The following IGSF21 variants were observed in gnomAD, a reference collection of about 807,000 sequenced individuals.
The protein encoded by IGSF21 is immunoglobin superfamily member 21.
A neutral mutation model predicts 46.8 loss-of-function variants in IGSF21; 28 were observed. That is an observed-to-expected ratio of 0.60 (90% CI 0.44 to 0.82). The LOEUF is 0.82. IGSF21 is among the 40% of genes least tolerant of loss of function. The pLI is 0.00. For synonymous variants in IGSF21, 284 were observed against 273.6 expected (o/e 1.04, Z -0.38); for missense variants, 624 against 665.5 (o/e 0.94, Z 0.69).
At chr1:18,121,118 G>A (rs1389721625) in intron 1 of IGSF21, among the ~76,000 whole-genome samples, 1 of 152,146 alleles carries the variant, frequency 6.6e-6, no homozygotes, top group Admixed American at 6.5e-5. Flanking sequence ...CCTTCCAAAT[G>A]GAAGGCAGGT....
intron 1 of IGSF21, among the ~76,000 whole-genome samples, chr1:18,192,535 G>A (rs1407455656): frequency 6.6e-6 from 1 of 152,224 alleles, no homozygotes; most frequent in Non-Finnish European, 1.5e-5. Flanking sequence ...ACTTCACTGG[G>A]ACCCATAGAG....
At chr1:18,241,923 C>A (rs959114740) in intron 2 of IGSF21, among the ~76,000 whole-genome samples, 2 of 152,176 alleles carry the variant, frequency 1.3e-5, no homozygotes, top group Non-Finnish European at 2.9e-5. Flanking sequence ...AGCAGCCCAG[C>A]CTTCTCACTC....
At chr1:18,137,197 G>A (rs1276565729) in intron 1 of IGSF21, among the ~76,000 whole-genome samples, 2 of 152,142 alleles carry the variant, frequency 1.3e-5, no homozygotes, top group Non-Finnish European at 2.9e-5. Flanking sequence ...AGAGAGCAAG[G>A]TGGGGAGGTG....
At chr1:18,356,982 A>C (rs1020429404) in intron 4 of IGSF21, among the ~76,000 whole-genome samples, 9 of 151,776 alleles carry the variant, frequency 5.9e-5, no homozygotes, top group African/African-American at 1.7e-4. Flanking sequence ...AGAGACAGAG[A>C]TGAGAATGGA....
intron 3 of IGSF21, among the ~76,000 whole-genome samples, chr1:18,321,900 G>A (rs2085605095): frequency 6.6e-6 from 1 of 152,152 alleles, no homozygotes; most frequent in African/African-American, 2.4e-5. Flanking sequence ...CAACATCCCT[G>A]TGACTCAGTT....
At chr1:18,172,947 A>G (rs973199475) in intron 1 of IGSF21, among the ~76,000 whole-genome samples, 8 of 152,154 alleles carry the variant, frequency 5.3e-5, no homozygotes, top group African/African-American at 1.9e-4. Flanking sequence ...TCATCTTACT[A>G]TCCTACTCTG....
intron 1 of IGSF21, among the ~76,000 whole-genome samples, chr1:18,142,084 G>C (rs1049222760): frequency 2.6e-5 from 4 of 152,046 alleles, no homozygotes; most frequent in African/African-American, 9.7e-5. Flanking sequence ...ATTTTTATAT[G>C]TATATGTATA....
intron 1 of IGSF21, among the ~76,000 whole-genome samples, chr1:18,214,517 CTATTA>C (rs1356298524): frequency 6.6e-6 from 1 of 152,066 alleles, no homozygotes; most frequent in African/African-American, 2.4e-5. Flanking sequence ...TTGAACATAC[CTATTA>C]TATTAGTCTG....
intron 3 of IGSF21, among the ~76,000 whole-genome samples, chr1:18,295,708 C>A (rs2085305975): frequency 6.6e-6 from 1 of 152,198 alleles, no homozygotes. Flanking sequence ...CCTGGCAGTG[C>A]CAGCATCCTT....
intron 2 of IGSF21, among the ~76,000 whole-genome samples, chr1:18,264,853 C>T (rs189805982): frequency 6.6e-6 from 1 of 152,286 alleles, no homozygotes; most frequent in Non-Finnish European, 1.5e-5. Flanking sequence ...TACCCTTCCC[C>T]TTCTCTACCA....
chr1:18,191,437 G>T (rs1364411550), intron 1 of IGSF21, among the ~76,000 whole-genome samples: 1 of 152,166 alleles, frequency 6.6e-6, no homozygotes, highest in African/African-American at 2.4e-5. Flanking sequence ...ACATCTCAGG[G>T]GGACCAGAGA....
At chr1:18,330,964 C>T (rs1416170989) in intron 3 of IGSF21, among the ~76,000 whole-genome samples, 1 of 152,214 alleles carries the variant, frequency 6.6e-6, no homozygotes, top group Non-Finnish European at 1.5e-5. Flanking sequence ...CCGTAGTTCA[C>T]AGTAGGGTTC....
At chr1:18,171,288 C>T (rs1007163532) in intron 1 of IGSF21, among the ~76,000 whole-genome samples, 1 of 152,122 alleles carries the variant, frequency 6.6e-6, no homozygotes, top group Middle Eastern at 3.4e-3. Context: ...ATCCTTAGGG[C>T]CTGATGGGAT....
intron 3 of IGSF21, among the ~76,000 whole-genome samples, chr1:18,329,383 C>T (rs899285612): frequency 6.6e-6 from 1 of 152,186 alleles, no homozygotes; most frequent in Non-Finnish European, 1.5e-5. Flanking sequence ...GCCAAAGGAC[C>T]TCATCCAACA....
At chr1:18,309,580 C>A (rs2124583555) in intron 3 of IGSF21, among the ~76,000 whole-genome samples, 1 of 152,284 alleles carries the variant, frequency 6.6e-6, no homozygotes, top group Non-Finnish European at 1.5e-5. Context: ...GTCCCTTTGA[C>A]AATGTGGGCC....
intron 1 of IGSF21, among the ~76,000 whole-genome samples, chr1:18,217,219 C>T (rs1032133154): frequency 6.6e-6 from 1 of 152,204 alleles, no homozygotes; most frequent in Non-Finnish European, 1.5e-5. Flanking sequence ...CACTGCTGCA[C>T]TTCCAGATGC....
intron 2 of IGSF21, among the ~76,000 whole-genome samples, chr1:18,273,525 T>G (rs115975048): frequency 7.8e-4 from 84 of 107,124 alleles, no homozygotes; most frequent in Non-Finnish European, 1.2e-3. Flanking sequence ...TCTTTCGTCT[T>G]TCTTTACTTT....
chr1:18,222,769 T>C (rs1455748649), intron 1 of IGSF21, among the ~76,000 whole-genome samples: 2 of 152,110 alleles, frequency 1.3e-5, no homozygotes, highest in African/African-American at 4.8e-5. Context: ...ATGTGGAAGA[T>C]GATGGAATTT....
chr1:18,278,559 G>A (rs138950480), intron 2 of IGSF21, among the ~76,000 whole-genome samples: 2,659 of 147,868 alleles, frequency 0.018, 84 homozygotes, highest in African/African-American at 0.064. Context: ...TTGTTTGTTT[G>A]TTTGTTTGTT....
Sources: gnomAD v4.1 joint callset for allele counts (sites outside exome capture counted in the v4.1 genomes callset) on GRCh38, gnomAD v4.1.1 for gene constraint, MANE v1.5 for transcripts, NCBI Gene and HGNC (gene_info 2026-07-23, HGNC 2026-07-21) for gene names.